Variants in CACNA2D3 observed in about 807,000 individuals in gnomAD.
CACNA2D3 encodes calcium voltage-gated channel auxiliary subunit alpha2delta 3.
Under a neutral mutation model 160.6 loss-of-function variants are expected in CACNA2D3, and 60 were observed. The ratio of observed to expected loss-of-function variants is 0.37; its 90% confidence interval spans 0.30 to 0.46. The LOEUF is 0.46. Among genes scored for constraint, CACNA2D3 ranks in the 20% least tolerant of loss-of-function variants. The pLI, the probability that CACNA2D3 is intolerant of heterozygous loss-of-function variation, is 1.00. For missense variants in CACNA2D3, 1,205 were observed against 1,365.0 expected (o/e 0.88, Z 1.85); for synonymous variants, 558 against 492.9 (o/e 1.13, Z -1.75).
chr3:54,241,060 C>T lies in CACNA2D3; in HGVS notation c.205-79382C>T, dbSNP rs140458447. Among the ~76,000 whole-genome samples the T allele has an allele frequency of 4.5e-3, 691 of 152,276 alleles. 4 individuals carry two copies. The highest frequency in any genetic ancestry group is 0.016 in the African/African-American group (649 of 41,564). ...CTGGCTAGAGTCTTTATACTTTTGT[C>T]TACTTTTGCTTTCTTTTGGGTGCCC... On this transcript the variant is annotated intron_variant, in intron 2 of 37. Transcript: ENST00000474759.
intron 2 of CACNA2D3, among the ~76,000 whole-genome samples, chr3:54,243,534 G>A (rs1052777684): frequency 6.6e-6 from 1 of 152,184 alleles, no homozygotes; most frequent in Non-Finnish European, 1.5e-5. Flanking sequence ...ACAAATGATA[G>A]TATTTCCTTT....
intron 13 of CACNA2D3, among the ~76,000 whole-genome samples, chr3:54,774,618 G>T: frequency 6.8e-6 from 1 of 146,152 alleles, no homozygotes. Context: ...ATTTTGACTT[G>T]CTCTTTGACT....
chr3:54,692,845 C>G (rs1427872659), intron 11 of CACNA2D3, among the ~76,000 whole-genome samples: 1 of 152,174 alleles, frequency 6.6e-6, no homozygotes, highest in Non-Finnish European at 1.5e-5. Context: ...CAATTCTGTT[C>G]AACTCAAAAG....
intron 13 of CACNA2D3, among the ~76,000 whole-genome samples, chr3:54,791,427 AT>A (rs1702755990): frequency 6.6e-6 from 1 of 152,222 alleles, no homozygotes. Context: ...CTAAGTTCAT[AT>A]GTGATTAGAC....
chr3:54,783,221 A>G (rs1702567128), intron 13 of CACNA2D3, among the ~76,000 whole-genome samples: 1 of 152,060 alleles, frequency 6.6e-6, no homozygotes, highest in African/African-American at 2.4e-5. Flanking sequence ...CTAATGGGAG[A>G]TTAGAAATGT....
At chr3:54,903,500 T>C (rs888129337) in intron 27 of CACNA2D3, among the ~76,000 whole-genome samples, 1 of 152,242 alleles carries the variant, frequency 6.6e-6, no homozygotes, top group Non-Finnish European at 1.5e-5. Flanking sequence ...CTATTGTGAA[T>C]AGTGCTGCAG....
intron 5 of CACNA2D3, among the ~76,000 whole-genome samples, chr3:54,514,201 C>T (rs748909413): frequency 4.6e-5 from 7 of 152,102 alleles, no homozygotes; most frequent in Non-Finnish European, 1.0e-4. Context: ...TGGGTACCAA[C>T]TGCTCACACA....
chr3:54,284,298 ATT>A (rs1702955943), intron 2 of CACNA2D3, among the ~76,000 whole-genome samples: 3 of 151,562 alleles, frequency 2.0e-5, no homozygotes, highest in Non-Finnish European at 4.4e-5. Flanking sequence ...AATTAAAAAA[ATT>A]AAAAAAATTA....
At chr3:54,247,861 CCA>C (rs1702110676) in intron 2 of CACNA2D3, among the ~76,000 whole-genome samples, 2 of 2,264 alleles carry the variant, frequency 8.8e-4, no homozygotes, top group Non-Finnish European at 3.0e-3. Flanking sequence ...CTCATATCTG[CCA>C]TGCCTAGTAC....
chr3:54,249,092 C>T (rs981191424), intron 2 of CACNA2D3, among the ~76,000 whole-genome samples: 3 of 152,060 alleles, frequency 2.0e-5, no homozygotes, highest in African/African-American at 7.2e-5. Context: ...GAAGAATAAA[C>T]AGCATGGAGA....
At chr3:54,711,109 A>T (rs1443424022) in intron 11 of CACNA2D3, among the ~76,000 whole-genome samples, 1 of 152,178 alleles carries the variant, frequency 6.6e-6, no homozygotes, top group Non-Finnish European at 1.5e-5. Context: ...CTGAACTCTT[A>T]TCCTAATTGT....
intron 27 of CACNA2D3, among the ~76,000 whole-genome samples, chr3:54,960,725 T>C (rs1702012152): frequency 6.6e-6 from 1 of 152,220 alleles, no homozygotes; most frequent in Non-Finnish European, 1.5e-5. Context: ...GGATACTCTG[T>C]TCTCAGTTTT....
chr3:54,378,198 T>C (rs1699042053), intron 3 of CACNA2D3, among the ~76,000 whole-genome samples: 1 of 152,218 alleles, frequency 6.6e-6, no homozygotes, highest in African/African-American at 2.4e-5. Context: ...ATCGGTTTCA[T>C]GAAAGACAGT....
chr3:54,831,615 T>A (rs1221346374), intron 14 of CACNA2D3, among the ~76,000 whole-genome samples: 1 of 152,228 alleles, frequency 6.6e-6, no homozygotes, highest in East Asian at 1.9e-4. Flanking sequence ...GTCATTACCA[T>A]CAGTATTTGG....
chr3:55,026,814 A>G (rs1001882748), intron 35 of CACNA2D3, among the ~76,000 whole-genome samples: 4 of 152,202 alleles, frequency 2.6e-5, no homozygotes, highest in African/African-American at 9.7e-5. Context: ...AATGCTAACT[A>G]CCCTGACACC....
At chr3:54,224,812 C>G (rs1428363079) in intron 2 of CACNA2D3, among the ~76,000 whole-genome samples, 1 of 151,156 alleles carries the variant, frequency 6.6e-6, no homozygotes, top group Non-Finnish European at 1.5e-5. Flanking sequence ...GCTCTTTATT[C>G]TTTCTCATGT....
chr3:54,847,609 T>A (rs1698963717), intron 17 of CACNA2D3, among the ~76,000 whole-genome samples: 1 of 152,352 alleles, frequency 6.6e-6, no homozygotes, highest in South Asian at 2.1e-4. Context: ...ATCATGTGGA[T>A]GCCATATGCA....
At chr3:54,816,961 C>A in intron 14 of CACNA2D3, 91 bp downstream of exon 14, 1 of 1,438,154 alleles carries the variant, frequency 7.0e-7, no homozygotes, top group Non-Finnish European at 9.6e-7. Flanking sequence ...CTGTTCATGA[C>A]CAGTGAAATG....
chr3:54,429,208 G>A (rs549523951), intron 4 of CACNA2D3, among the ~76,000 whole-genome samples: 1 of 152,100 alleles, frequency 6.6e-6, no homozygotes, highest in East Asian at 1.9e-4. Flanking sequence ...GGCTAATATG[G>A]GATAGGATCC....
Sources: gnomAD v4.1 joint callset for allele counts (sites outside exome capture counted in the v4.1 genomes callset) on GRCh38, gnomAD v4.1.1 for gene constraint, MANE v1.5 for transcripts, NCBI Gene and HGNC (gene_info 2026-07-23, HGNC 2026-07-21) for gene names.